ZFPM2: variants seen among roughly 807,000 people sequenced by gnomAD.
The protein encoded by ZFPM2 is zinc finger protein, FOG family member 2.
Under a neutral mutation model 98.6 loss-of-function variants are expected in ZFPM2, and 20 were observed. The ratio of observed to expected loss-of-function variants is 0.20; its 90% CI spans 0.14 to 0.29. The LOEUF (loss-of-function observed/expected upper bound fraction) is 0.29. Ranked by LOEUF, ZFPM2 falls within the 10% of genes least tolerant of loss-of-function variation. The pLI, the probability that ZFPM2 is intolerant of heterozygous loss-of-function variation, is 1.00. For missense variants in ZFPM2, 1,310 were observed against 1,388.6 expected (o/e 0.94, Z 0.90); for synonymous variants, 518 against 502.7 (o/e 1.03, Z -0.41).
intron 1 of ZFPM2, among the ~76,000 whole-genome samples, chr8:105,338,955 T>C (rs1311229282): frequency 1.3e-5 from 2 of 151,910 alleles, no homozygotes; most frequent in Middle Eastern, 3.4e-3. Context: ...TAGGACACTG[T>C]TAACTAGACC....
In ZFPM2 at chr8:105,556,688, C is replaced by T. The variant is rs71506374; in HGVS notation, c.302-4675C>T. 1.3e-3 allele frequency among the ~76,000 whole-genome samples: 158 copies of T among 126,364 alleles called. 2 individuals are homozygous for T. The East Asian group carries it at 0.041, about 33-fold the overall frequency. The allele number at this position is 126,364 out of a possible 152,430, so 82.9% of individuals were successfully genotyped here. A position where few individuals can be genotyped will look rare whatever the true frequency, so the allele number is the denominator to read the frequency against. On this transcript the variant is annotated intron_variant, in intron 3 of 7. Coordinates refer to ENST00000407775, the MANE Select transcript of ZFPM2 (RefSeq NM_012082.4). ...GTTCTTCCCTTCCCCCTTCCCTTTTCCCCCTTCCCCCTTCCCTTCCCTTCC... is the reference window on the plus strand; with the variant it reads ...GTTCTTCCCTTCCCCCTTCCCTTTTTCCCCTTCCCCCTTCCCTTCCCTTCC...
rs1554620651 is a variant in ZFPM2 at position 105,598,830 on chromosome 8, C to CT, written c.421-35415dup. On this transcript the variant is annotated intron_variant, in intron 4 of 7. Transcript: ENST00000407775. ...CCTTCTTACTTCTAGCAACCAATTA[C>CT]TACATACAAAAAAAACTTTCCCCAA... Among the ~76,000 whole-genome samples, 108 of 152,134 alleles carry CT rather than the reference C, an allele frequency of 7.1e-4. 1 individual carries two copies. In the East Asian group the frequency reaches 0.02, roughly 28 times the overall value.
At chr8:105,608,341 A>C (rs1816237560) in intron 4 of ZFPM2, among the ~76,000 whole-genome samples, 2 of 152,126 alleles carry the variant, frequency 1.3e-5, no homozygotes, top group African/African-American at 4.8e-5. Context: ...AAAAGAAAAA[A>C]TCCTTAAAAA....
chr8:105,434,472 A>G (rs954685862), intron 2 of ZFPM2, among the ~76,000 whole-genome samples: 1 of 152,166 alleles, frequency 6.6e-6, no homozygotes, highest in African/African-American at 2.4e-5. Flanking sequence ...AACCAAAGCT[A>G]TCTTGTCTGA....
In ZFPM2 at chr8:105,801,192, C is replaced by T. The variant is rs755422326; in HGVS notation, c.1110C>T (p.Phe370=). 3 of 1,613,954 alleles carry T rather than the reference C, an allele frequency of 1.9e-6. No individual in the cohort carries two copies. The highest frequency in any genetic ancestry group is 2.2e-5 in the East Asian group (1 of 44,848). ...CCTTCCGATGTAATCACTGCCATTT[C>T]GGCTTCCAGACTCAGAGGGAGTTAT... ...QAAFRCNHCH[F]GFQTQRELLQ... Residue 370 remains phenylalanine (F), a synonymous_variant, in exon 8 of 8, where the codon TTC becomes TTT. Coordinates refer to ENST00000407775, the MANE Select transcript of ZFPM2 (RefSeq NM_012082.4).
chr8:105,467,125 G>A (rs1355704150), intron 3 of ZFPM2, among the ~76,000 whole-genome samples: 1 of 152,006 alleles, frequency 6.6e-6, no homozygotes, highest in South Asian at 2.1e-4. Context: ...TGTGAGAACT[G>A]CCCCTCACCT....
chr8:105,397,899 A>C (rs913636687), intron 1 of ZFPM2, among the ~76,000 whole-genome samples: 2 of 152,176 alleles, frequency 1.3e-5, no homozygotes, highest in African/African-American at 4.8e-5. Context: ...GGACAAATCA[A>C]GTGTAGTGAC....
chr8:105,591,573 A>G (rs1207669141), intron 4 of ZFPM2, among the ~76,000 whole-genome samples: 1 of 152,180 alleles, frequency 6.6e-6, no homozygotes, highest in African/African-American at 2.4e-5. Flanking sequence ...CATTAGAAAA[A>G]TTTTATTTAA....
At chr8:105,520,766 G>A (rs189606361) in intron 3 of ZFPM2, among the ~76,000 whole-genome samples, 12 of 152,192 alleles carry the variant, frequency 7.9e-5, no homozygotes, top group Non-Finnish European at 1.5e-4. Flanking sequence ...GGACTTTGAA[G>A]TATGAGTAAT....
intron 1 of ZFPM2, among the ~76,000 whole-genome samples, chr8:105,395,883 T>C (rs1811208823): frequency 6.6e-6 from 1 of 152,206 alleles, no homozygotes. Context: ...CGCCTTCTAC[T>C]CTATCCTAGT....
intron 3 of ZFPM2, among the ~76,000 whole-genome samples, chr8:105,455,542 A>T (rs551643734): frequency 7.9e-5 from 12 of 152,240 alleles, no homozygotes; most frequent in Non-Finnish European, 1.5e-4. Context: ...ACTCAAAGCC[A>T]ATCTGAAGAC....
chr8:105,497,186 C>T (rs776688279), intron 3 of ZFPM2, among the ~76,000 whole-genome samples: 34 of 151,636 alleles, frequency 2.2e-4, no homozygotes, highest in East Asian at 1.2e-3. Flanking sequence ...CGGGTTTCAC[C>T]GTGTTAGCCA....
At chr8:105,617,259 CT>C (rs1436014415) in intron 4 of ZFPM2, among the ~76,000 whole-genome samples, 1 of 151,838 alleles carries the variant, frequency 6.6e-6, no homozygotes, top group Non-Finnish European at 1.5e-5. Flanking sequence ...AAATAACTAC[CT>C]TTTTTTCACC....
intron 3 of ZFPM2, among the ~76,000 whole-genome samples, chr8:105,538,454 C>T (rs1353455952): frequency 6.6e-6 from 1 of 152,006 alleles, no homozygotes; most frequent in Admixed American, 6.6e-5. Flanking sequence ...GTTGAAATGT[C>T]GTTACTATCT....
intron 3 of ZFPM2, among the ~76,000 whole-genome samples, chr8:105,465,888 G>A (rs930582033): frequency 2.0e-5 from 3 of 151,920 alleles, no homozygotes; most frequent in Non-Finnish European, 2.9e-5. Context: ...ATGACAACTT[G>A]TTAAGGGAAA....
intron 4 of ZFPM2, among the ~76,000 whole-genome samples, chr8:105,575,513 A>G (rs1815447864): frequency 6.6e-6 from 1 of 152,166 alleles, no homozygotes; most frequent in African/African-American, 2.4e-5. Context: ...ATGGGATCCT[A>G]AGGCTTCAGT....
chr8:105,604,613 A>G (rs1368933244), intron 4 of ZFPM2, among the ~76,000 whole-genome samples: 6 of 151,994 alleles, frequency 3.9e-5, no homozygotes, highest in African/African-American at 7.2e-5. Context: ...CTTTTCTGCT[A>G]TAGAATTTGC....
chr8:105,710,092 C>CTTT lies in ZFPM2; in HGVS notation c.532+75745_532+75747dup, dbSNP rs367622436. The stretch of plus-strand genomic sequence containing the variant: ...TCTTTAGCCATTATTTAGTCTGATC[C>CTTT]TTTTTTTTTTTTCATGAAGAAGCAT... On this transcript the variant is annotated intron_variant, in intron 5 of 7. Transcript: ENST00000407775. Among the ~76,000 whole-genome samples, 227 of 143,108 alleles carry CTTT rather than the reference C, an allele frequency of 1.6e-3. 3 individuals are homozygous for CTTT. Among genetic ancestry groups the CTTT allele is most frequent in the Admixed American group, 3.7e-3 (53 of 14,236 alleles). The allele number at this position is 143,108 out of a possible 152,430, so 93.9% of individuals were successfully genotyped here.
At chr8:105,384,655 G>A (rs1355335484) in intron 1 of ZFPM2, among the ~76,000 whole-genome samples, 1 of 152,010 alleles carries the variant, frequency 6.6e-6, no homozygotes, top group Non-Finnish European at 1.5e-5. Flanking sequence ...TAACCCGTTT[G>A]GAGCAAGAGC....
Sources: gnomAD v4.1 joint callset for allele counts (sites outside exome capture counted in the v4.1 genomes callset) on GRCh38, gnomAD v4.1.1 for gene constraint, MANE v1.5 for transcripts, NCBI Gene and HGNC (gene_info 2026-07-23, HGNC 2026-07-21) for gene names.